Variants in ATP6V1H observed in about 807,000 individuals in gnomAD.
ATP6V1H encodes ATPase H+ transporting V1 subunit H.
In ATP6V1H, 39 loss-of-function variants were observed where a neutral mutation model predicts 71.7. The observed-to-expected ratio is 0.54, with a 90% CI of 0.42 to 0.71. The LOEUF (loss-of-function observed/expected upper bound fraction) is 0.71, where lower values mean the gene tolerates loss of function less well. Ranked by LOEUF, ATP6V1H falls within the 30% of genes least tolerant of loss-of-function variation. The pLI, the probability that ATP6V1H is intolerant of heterozygous loss-of-function variation, is 0.00. For synonymous variants in ATP6V1H, 192 were observed against 199.3 expected, an observed-to-expected ratio of 0.96 and a Z score of 0.31; for missense variants, 509 against 594.9, an observed-to-expected ratio of 0.86 and a Z score of 1.50.
At chr8:53,736,924 G>C (rs930435424) in intron 13 of ATP6V1H, among the ~76,000 whole-genome samples, 3 of 152,226 alleles carry the variant, frequency 2.0e-5, no homozygotes, top group East Asian at 1.9e-4. Context: ...AACCCCTGAC[G>C]TAACCGCTTG....
At chr8:53,812,588 A>G (rs889800953) in intron 6 of ATP6V1H, among the ~76,000 whole-genome samples, 1 of 152,222 alleles carries the variant, frequency 6.6e-6, no homozygotes, top group Non-Finnish European at 1.5e-5. Flanking sequence ...ACGCCACGGC[A>G]TCCATTCTTC....
intron 7 of ATP6V1H, among the ~76,000 whole-genome samples, chr8:53,803,452 T>C (rs1439981682): frequency 6.6e-6 from 1 of 152,166 alleles, no homozygotes; most frequent in African/African-American, 2.4e-5. Context: ...GAATCACAGG[T>C]GTTATATAAA....
intron 7 of ATP6V1H, among the ~76,000 whole-genome samples, chr8:53,805,626 C>T (rs763379937): frequency 1.3e-5 from 2 of 152,070 alleles, no homozygotes; most frequent in African/African-American, 4.8e-5. Context: ...ACATACATCC[C>T]ATTAATCAGC....
At chr8:53,758,459 C>T (rs1233802812) in intron 11 of ATP6V1H, among the ~76,000 whole-genome samples, 4 of 152,158 alleles carry the variant, frequency 2.6e-5, no homozygotes, top group Admixed American at 2.6e-4. Flanking sequence ...ACTCATTACC[C>T]TCGTGTTCCT....
At chr8:53,739,886 G>T (rs1807353656) in intron 13 of ATP6V1H, among the ~76,000 whole-genome samples, 1 of 152,168 alleles carries the variant, frequency 6.6e-6, no homozygotes, top group East Asian at 1.9e-4. Flanking sequence ...GCGCCCAGTG[G>T]GTGCCACTGT....
chr8:53,769,694 T>C lies in ATP6V1H; in HGVS notation c.1099A>G (p.Ser367Gly). 1 of 1,612,458 alleles carries C rather than the reference T, an allele frequency of 6.2e-7. No individual in the cohort carries two copies. The part of the protein sequence containing the change: ...SELKSGRLEW[S>G]PVHKSEKFWR... ...AATTTCTCAGATTTGTGCACAGGAC[T>C]CCATTCCAACCTTCCAGATTTAAGT... Residue 367 changes from serine (S) to glycine (G), a missense_variant, in exon 11 of 14, where the codon AGT becomes GGT. Physicochemically the swap from Ser to Gly is moderately conservative, Grantham distance 56. Around this residue, in one of 2 missense-constraint regions of ATP6V1H, gnomAD observed 212 missense variants for 291.6 expected, o/e 0.73. Transcript: ENST00000359530.
chr8:53,745,167 G>A (rs1008640528), intron 12 of ATP6V1H, among the ~76,000 whole-genome samples: 1 of 152,070 alleles, frequency 6.6e-6, no homozygotes, highest in African/African-American at 2.4e-5. Context: ...GACCAAGCTG[G>A]GACAACTGCT....
rs1808344713 is a variant in ATP6V1H, at chr8:53,763,399, T to TA, written c.1175+6218_1175+6219insT. ...TTTAACAAAAGACATGCAAAACTTA[T>TA]TTTCTGAAATCTACAAAACACTGTT... is the stretch of plus-strand genomic sequence containing the variant. On this transcript the variant is annotated intron_variant, in intron 11 of 13. Coordinates refer to ENST00000359530, the MANE Select transcript of ATP6V1H (RefSeq NM_015941.4). 5.3e-5 allele frequency among the ~76,000 whole-genome samples: 8 copies of TA among 152,344 alleles called. 1 individual carries two copies. The highest frequency in any genetic ancestry group is 3.4e-3 in the Middle Eastern group (1 of 294).
chr8:53,815,824 C>G (rs201363109), intron 5 of ATP6V1H, among the ~76,000 whole-genome samples: 1 of 152,194 alleles, frequency 6.6e-6, no homozygotes, highest in East Asian at 1.9e-4. Flanking sequence ...AGAGCATAAG[C>G]TAGCATAAGC....
At chr8:53,840,607 C>T (rs1282992136) in intron 2 of ATP6V1H, among the ~76,000 whole-genome samples, 2 of 152,090 alleles carry the variant, frequency 1.3e-5, no homozygotes, top group African/African-American at 4.8e-5. Context: ...TTTGTAGCCT[C>T]AAAGCCTGGA....
chr8:53,730,248 C>T (rs975092696), intron 13 of ATP6V1H, among the ~76,000 whole-genome samples: 1 of 152,174 alleles, frequency 6.6e-6, no homozygotes, highest in Non-Finnish European at 1.5e-5. Context: ...TGTCACATGT[C>T]TCCTTATATT....
intron 6 of ATP6V1H, 34 bp downstream of exon 6, chr8:53,814,628 C>T: frequency 8.7e-7 from 1 of 1,151,604 alleles, no homozygotes; most frequent in Non-Finnish European, 1.3e-6. Flanking sequence ...ATGTTATATT[C>T]CTTTCAAAGG....
intron 13 of ATP6V1H, among the ~76,000 whole-genome samples, chr8:53,732,914 G>T (rs1807074189): frequency 6.6e-6 from 1 of 152,100 alleles, no homozygotes; most frequent in African/African-American, 2.4e-5. Flanking sequence ...AGAGGCCAGG[G>T]AAGGAAGTCA....
chr8:53,774,875 G>C (rs965284127), intron 9 of ATP6V1H, among the ~76,000 whole-genome samples: 4 of 152,136 alleles, frequency 2.6e-5, no homozygotes, highest in Admixed American at 2.0e-4. Flanking sequence ...AAAGTGAGAG[G>C]AGAAATCAGA....
At position 53,825,949 on chromosome 8, in the gene ATP6V1H, A is replaced by G. The variant is rs556045224; in HGVS notation, c.306+3495T>C. On this transcript the variant is annotated intron_variant, in intron 4 of 13. Coordinates refer to ENST00000359530, the MANE Select transcript of ATP6V1H (RefSeq NM_015941.4). ...GTTTTACCCTGTGAAAAATGTTATA[A>G]GCTAAGACAAAAAGGTAAATAACAA... Among the ~76,000 whole-genome samples, 60 of 152,302 alleles carry G rather than the reference A, an allele frequency of 3.9e-4. 1 individual carries two copies. The highest frequency in any genetic ancestry group is 3.4e-3 in the Middle Eastern group (1 of 294).
At chr8:53,761,376 T>C (rs374851509) in intron 11 of ATP6V1H, among the ~76,000 whole-genome samples, 16 of 151,758 alleles carry the variant, frequency 1.1e-4, no homozygotes, top group African/African-American at 1.5e-4. Flanking sequence ...CCATTGTTCC[T>C]GGTTATTCAG....
At chr8:53,830,891 T>C (rs958074176) in intron 3 of ATP6V1H, among the ~76,000 whole-genome samples, 5 of 152,168 alleles carry the variant, frequency 3.3e-5, no homozygotes, top group African/African-American at 9.7e-5. Flanking sequence ...ACATGTTCCA[T>C]TGCACATGCG....
intron 13 of ATP6V1H, among the ~76,000 whole-genome samples, chr8:53,726,920 C>G (rs1336755973): frequency 6.6e-6 from 1 of 152,166 alleles, no homozygotes; most frequent in African/African-American, 2.4e-5. Flanking sequence ...CAAGTTTGGA[C>G]CATAACAAGT....
chr8:53,812,679 GT>G (rs749694654), intron 6 of ATP6V1H, among the ~76,000 whole-genome samples: 1 of 152,096 alleles, frequency 6.6e-6, no homozygotes, highest in African/African-American at 2.4e-5. Flanking sequence ...CCAGAATGAA[GT>G]TTTGTTTTTG....
Sources: allele counts gnomAD v4.1 joint callset (sites outside exome capture counted in the v4.1 genomes callset), GRCh38; gene constraint gnomAD v4.1.1; regional missense constraint gnomAD v4.1.1; transcripts MANE v1.5; gene names NCBI Gene and HGNC (gene_info 2026-07-23, HGNC 2026-07-21).